The following EBF4 variants were observed in gnomAD, a reference collection of about 807,000 sequenced individuals.
EBF4 encodes transcription factor COE4.
Under a neutral mutation model 67.1 loss-of-function variants are expected in EBF4, and 34 were observed. That is an observed-to-expected ratio of 0.51 (90% confidence interval 0.39 to 0.67). EBF4 has a LOEUF of 0.67. Among genes scored for constraint, EBF4 ranks in the 30% least tolerant of loss-of-function variants. EBF4 has a pLI of 0.00. For synonymous variants in EBF4, 387 were observed against 377.7 expected (o/e 1.02, Z -0.29); for missense variants, 837 against 873.3 (o/e 0.96, Z 0.52).
chr20:2,716,515 G>A (rs1441682562), intron 6 of EBF4, among the ~76,000 whole-genome samples: 3 of 146,326 alleles, frequency 2.1e-5, no homozygotes, highest in Non-Finnish European at 3.0e-5. Flanking sequence ...GGCGACAAGA[G>A]TGAAACTCCG....
At chr20:2,704,507 C>T (rs1394332682) in intron 1 of EBF4, among the ~76,000 whole-genome samples, 1 of 152,176 alleles carries the variant, frequency 6.6e-6, no homozygotes, top group Non-Finnish European at 1.5e-5. Context: ...TTGACACCTG[C>T]GGTACAGCAG....
chr20:2,724,278 T>A (rs1033167950), intron 6 of EBF4, among the ~76,000 whole-genome samples: 4 of 152,226 alleles, frequency 2.6e-5, no homozygotes, highest in Non-Finnish European at 5.9e-5. Context: ...ACTACTGATC[T>A]TAGGCCATTC....
rs1405614249 is a variant in EBF4 at position 2,751,826 on chromosome 20, T to C, written c.1107+38T>C. The C allele has an allele frequency of 2.6e-6, 4 of 1,547,246 alleles. No homozygotes were observed. The Admixed American group carries it at 5.9e-5, about 23-fold the overall frequency. On this transcript the variant is annotated intron_variant, in intron 11 of 16. Transcript: ENST00000609451. The surrounding 1 kb of genome is among the most constrained non-coding windows in gnomAD (Gnocchi z 5.2). ...GCGGGGCGGGGCGGGGCTGAGGGTG[T>C]CCTGTGGGCAAGGGGGTGAGGAGGG...
chr20:2,697,826 T>G (rs1228610814), intron 1 of EBF4, among the ~76,000 whole-genome samples: 2 of 152,152 alleles, frequency 1.3e-5, no homozygotes, highest in Non-Finnish European at 2.9e-5. Flanking sequence ...GTAGCTCTCT[T>G]CTCCTTCTGA....
At chr20:2,723,771 T>TATA (rs200936377) in intron 6 of EBF4, among the ~76,000 whole-genome samples, 2 of 139,486 alleles carry the variant, frequency 1.4e-5, no homozygotes, top group Admixed American at 6.9e-5. Flanking sequence ...GGTGTATAGG[T>TATA]GACAAATAAA....
At chr20:2,711,180 AAATTAAAT>A in intron 6 of EBF4, among the ~76,000 whole-genome samples, 1 of 144,598 alleles carries the variant, frequency 6.9e-6, no homozygotes, top group South Asian at 2.3e-4. Flanking sequence ...AATAATAATA[AAATTAAAT>A]TAAAATTAAA....
chr20:2,693,487 G>A, upstream of EBF4: 6 of 883,132 alleles, frequency 6.8e-6, no homozygotes, highest in Non-Finnish European at 9.0e-6. The surrounding 1 kb of genome is among the most constrained non-coding windows in gnomAD (Gnocchi z 4.6). Context: ...CGCTTTCTCC[G>A]AGGGAGCGCC....
intron 10 of EBF4, among the ~76,000 whole-genome samples, chr20:2,750,194 CCTT>C (rs1198550450): frequency 2.0e-5 from 3 of 152,078 alleles, no homozygotes; most frequent in Non-Finnish European, 4.4e-5. Flanking sequence ...GCCTCTGGCT[CCTT>C]AGTCCCTTCC....
Position 2,752,266 on chromosome 20 carries a change from G to C in EBF4, c.1351+3G>C. On this transcript the variant is annotated splice_donor_region_variant and intron_variant, in intron 13 of 16. Coordinates refer to ENST00000609451, the Ensembl canonical transcript of EBF4. ...CGCCACCCCGGGGCCCGAGCCGGGT[G>C]CGTGGGCCGCGCCTCCCCGCCGTCC... 5 of 1,239,348 alleles carry C rather than the reference G, an allele frequency of 4.0e-6. No homozygotes were observed. The highest frequency in any genetic ancestry group is 5.0e-6 in the Non-Finnish European group (5 of 994,908). The allele number at this position is 1,239,348 out of a possible 1,614,324, so 76.8% of individuals were successfully genotyped here.
chr20:2,723,539 CG>C (rs1366863673), intron 6 of EBF4, among the ~76,000 whole-genome samples: 1 of 151,872 alleles, frequency 6.6e-6, no homozygotes, highest in Non-Finnish European at 1.5e-5. Context: ...TTAATAGAGA[CG>C]GGGTTTCACC....
In EBF4 at chr20:2,745,469, A is replaced by T. The variant is rs2088036627; in HGVS notation, c.558-3080A>T. Among the ~76,000 whole-genome samples the T allele has an allele frequency of 6.6e-6, 1 of 152,218 alleles. No homozygotes were observed. Among genetic ancestry groups the T allele is most frequent in the Admixed American group, 6.5e-5 (1 of 15,294 alleles). On this transcript the variant is annotated intron_variant, in intron 6 of 16. Coordinates refer to ENST00000609451, the Ensembl canonical transcript of EBF4. This position sits in a 1 kb window ranked among gnomAD's most constrained non-coding sequence, Gnocchi z 5.2. The stretch of plus-strand genomic sequence containing the variant: ...CAGGCTCAAACACTGAGGTGTCCCC[A>T]TAGACAGAGGTGCTGGCAGGTCCCT...
At chr20:2,729,490 C>T (rs997902500) in intron 6 of EBF4, among the ~76,000 whole-genome samples, 4 of 152,200 alleles carry the variant, frequency 2.6e-5, no homozygotes, top group African/African-American at 9.7e-5. Context: ...TGCTTGTCAA[C>T]TTCTGCAAGC....
chr20:2,714,417 A>G (rs2087582608), intron 6 of EBF4, among the ~76,000 whole-genome samples: 1 of 151,058 alleles, frequency 6.6e-6, no homozygotes, highest in South Asian at 2.1e-4. Context: ...CAGTGGCGCA[A>G]TCATAGCTCA....
intron 6 of EBF4, among the ~76,000 whole-genome samples, chr20:2,733,523 C>G (rs944046375): frequency 2.0e-5 from 3 of 152,148 alleles, no homozygotes; most frequent in African/African-American, 7.2e-5. Context: ...TCCATCTCTA[C>G]TCTCCTTCTC....
At chr20:2,731,088 G>A (rs866078799) in intron 6 of EBF4, among the ~76,000 whole-genome samples, 7 of 152,004 alleles carry the variant, frequency 4.6e-5, no homozygotes, top group South Asian at 4.2e-4. Flanking sequence ...TAGTAGAGAC[G>A]GGGTTTCACC....
Position 2,755,892 on chromosome 20 carries a change from G to GCCCCTGTA in EBF4, c.1738+68_1738+69insCCCCTGTA. On this transcript the variant is annotated intron_variant, in intron 15 of 16. Coordinates refer to ENST00000609451, the Ensembl canonical transcript of EBF4. This position sits in a 1 kb window ranked among gnomAD's most constrained non-coding sequence, Gnocchi z 4.7. The stretch of plus-strand genomic sequence containing the variant: ...CCTTGTGGAGCAGCTGGGCTACAGG[G>GCCCCTGTA]GCCTGCTCTGTCCACATCTCACCAG... 1 of 1,431,440 alleles carries GCCCCTGTA rather than the reference G, an allele frequency of 7.0e-7. No homozygotes were observed. Among genetic ancestry groups the GCCCCTGTA allele is most frequent in the Non-Finnish European group, 9.4e-7 (1 of 1,063,902 alleles). The allele number at this position is 1,431,440 out of a possible 1,614,324, so 88.7% of individuals were successfully genotyped here.
At chr20:2,730,652 TC>T (rs2087801686) in intron 6 of EBF4, among the ~76,000 whole-genome samples, 1 of 152,180 alleles carries the variant, frequency 6.6e-6, no homozygotes, top group Admixed American at 6.5e-5. Flanking sequence ...GACTCTGCTG[TC>T]CCCTTAACTG....
chr20:2,738,979 G>A (rs578186827), intron 6 of EBF4, among the ~76,000 whole-genome samples: 9 of 152,276 alleles, frequency 5.9e-5, no homozygotes, highest in South Asian at 2.1e-4. Context: ...ACCTCTACCC[G>A]GGTGGGGATC....
chr20:2,711,395 G>A (rs1160165741), intron 6 of EBF4, among the ~76,000 whole-genome samples: 4 of 152,076 alleles, frequency 2.6e-5, no homozygotes, highest in African/African-American at 9.7e-5. Context: ...CCTTTTCAGG[G>A]ATTTAAAAAT....
Sources: allele counts gnomAD v4.1 joint callset (sites outside exome capture counted in the v4.1 genomes callset), GRCh38; gene constraint gnomAD v4.1.1; non-coding constraint Gnocchi (gnomAD v3.1); transcripts MANE v1.5; gene names NCBI Gene and HGNC (gene_info 2026-07-23, HGNC 2026-07-21).